Variants in LLGL1 observed in about 807,000 individuals in gnomAD.
LLGL1 encodes LLGL scribble cell polarity complex component 1.
Under a neutral mutation model 110.6 loss-of-function variants are expected in LLGL1, and 58 were observed. That is an observed-to-expected ratio of 0.52 (90% CI 0.42 to 0.65). The LOEUF is 0.65. LLGL1 is among the 30% of genes least tolerant of loss of function. The probability of loss-of-function intolerance (pLI) is 0.00; values close to 1 mark genes in which losing one functional copy is unlikely to be tolerated. For missense variants in LLGL1, 1,229 were observed against 1,462.1 expected (o/e 0.84, Z 2.60); for synonymous variants, 674 against 607.2 (o/e 1.11, Z -1.62).
At chr17:18,230,466 C>T (rs2047542404) in intron 2 of LLGL1, among the ~76,000 whole-genome samples, 1 of 152,014 alleles carries the variant, frequency 6.6e-6, no homozygotes, top group South Asian at 2.1e-4. Flanking sequence ...AGCAAAGGGG[C>T]CTGGGGGCAG....
chr17:18,226,462 A>G (rs929654576), intron 1 of LLGL1, among the ~76,000 whole-genome samples: 1 of 152,062 alleles, frequency 6.6e-6, no homozygotes, highest in African/African-American at 2.4e-5. Context: ...AATCCCTTCA[A>G]GGAGCCTCTC....
Position 18,232,680 on chromosome 17 carries a change from C to T in LLGL1, c.270C>T (p.Leu90=). Residue 90 remains leucine, a synonymous_variant, in exon 4 of 23, where the codon CTC becomes CTT. Transcript: ENST00000316843. The stretch of plus-strand genomic sequence containing the variant: ...CTCTGCTCACACACCAGGGCCGCCT[C>T]CTGTCCCTGCTTGATGACAGCAGTC... The part of the protein sequence containing the change: ...QMHFLTGQGR[L]LSLLDDSSLH... 1 of 1,614,212 alleles carries T rather than the reference C, an allele frequency of 6.2e-7. No individual in the cohort carries two copies. Among genetic ancestry groups the T allele is most frequent in the African/African-American group, 1.3e-5 (1 of 75,072 alleles).
chr17:18,232,949 G>A (rs1459815977), intron 4 of LLGL1, 147 bp downstream of exon 4: 2 of 1,036,948 alleles, frequency 1.9e-6, no homozygotes, highest in Non-Finnish European at 2.8e-6. Flanking sequence ...GGCTGCAGCT[G>A]TTGGACCCTG....
chr17:18,236,471 T>G, intron 11 of LLGL1, 136 bp from the exon 12 acceptor site: 1 of 867,966 alleles, frequency 1.2e-6, no homozygotes, highest in Non-Finnish European at 1.8e-6. Context: ...GCCTATTGTT[T>G]TTTGTAAAAG....
At position 18,234,030 on chromosome 17, in the gene LLGL1, G is replaced by A. The variant is rs757927589; in HGVS notation, c.569G>A (p.Arg190His). The A allele has an allele frequency of 1.0e-5, 16 of 1,594,022 alleles. No individual in the cohort carries two copies. Among genetic ancestry groups the A allele is most frequent in the Admixed American group, 5.1e-5 (3 of 59,126 alleles). Residue 190 changes from arginine (R) to histidine (H), a missense_variant, in exon 6 of 23, where the codon CGC becomes CAC. Coordinates refer to ENST00000316843, the MANE Select transcript of LLGL1 (RefSeq NM_004140.4). ...CTCCACAGCGTGCCAGACGACTACC[G>A]CTGTGGGAAGGCACTGGGCCCCGTG... Reference protein sequence around the residue: ...EVLRSVPDDYRCGKALGPVES... With the variant: ...EVLRSVPDDYHCGKALGPVES...
chr17:18,242,484 G>A lies in LLGL1; in HGVS notation c.2996-24G>A. ...CAGAGGGTGCTAAGGGTCCTGGTAG[G>A]GGCTGATGACTTGCTCCCTGTAGAC... On this transcript the variant is annotated intron_variant, in intron 20 of 22. Coordinates refer to ENST00000316843, the MANE Select transcript of LLGL1 (RefSeq NM_004140.4). 7 of 1,613,530 alleles carry A rather than the reference G, an allele frequency of 4.3e-6. 1 individual carries two copies. Among genetic ancestry groups the A allele is most frequent in the Non-Finnish European group, 5.9e-6 (7 of 1,179,782 alleles).
Position 18,235,295 on chromosome 17 carries a change from C to G in LLGL1, c.1267C>G (p.Pro423Ala). The change falls in exon 10 of 23, where the codon CCT (proline) becomes GCT (alanine). Residue 423 changes from proline (P) to alanine (A), a missense_variant. Physicochemically the swap from Pro to Ala is conservative, Grantham distance 27 (BLOSUM62 -1). Transcript: ENST00000316843. ...CGCTGGCGAGCAGCAGAGCCCCCAGCCTGTCTCCAGTGCCTTGGTGTGTGC... is the reference window on the plus strand; with the variant it reads ...CGCTGGCGAGCAGCAGAGCCCCCAGGCTGTCTCCAGTGCCTTGGTGTGTGC... ...VSAGEQQSPQPVSSALSWPIT... is the reference protein window; with the variant it reads ...VSAGEQQSPQAVSSALSWPIT... The G allele has an allele frequency of 6.2e-7, 1 of 1,610,452 alleles. No homozygotes were observed. Among genetic ancestry groups the G allele is most frequent in the Non-Finnish European group, 8.5e-7 (1 of 1,179,922 alleles).
At position 18,234,296 on chromosome 17, in the gene LLGL1, G is replaced by C. The variant is rs746288923; in HGVS notation, c.738G>C (p.Gly246=). The C allele has an allele frequency of 1.2e-4, 190 of 1,606,644 alleles. 1 individual carries two copies. The Admixed American group carries it at 3.2e-3, about 27-fold the overall frequency. ...AGCAGCTGGAGAGCCTATGCTGGGG[G>C]CGTGATAGCAGCACTGTGGTCAGCT... ...GNQQLESLCW[G]RDSSTVVSSH... Residue 246 remains glycine, a synonymous_variant, in exon 7 of 23, where the codon GGG becomes GGC. Transcript: ENST00000316843.
In LLGL1 at chr17:18,241,779, G is replaced by A. The variant is rs1030972434; in HGVS notation, c.2767+64G>A. ...GAGCGAACTGAGTGGGACCAGTACT[G>A]CTTGGGAGCAGGAAGGGCACTCCAG... On this transcript the variant is annotated intron_variant, in intron 18 of 22. Transcript: ENST00000316843. 5.0e-6 allele frequency: 8 copies of A among 1,607,920 alleles called. No homozygotes were observed. In the East Asian group the frequency reaches 1.8e-4, roughly 36 times the overall value.
At chr17:18,242,843 TGGTCCTCACCACTGGTGA>T in intron 22 of LLGL1, 21 bp downstream of exon 22, 1 of 1,538,562 alleles carries the variant, frequency 6.5e-7, no homozygotes, top group Non-Finnish European at 8.8e-7. Context: ...GGTGGGGCCC[TGGTCCTCACCACTGGTGA>T]CGTCCACCCC....
rs982495154 is a variant in LLGL1, at chr17:18,244,454, A to G, written c.*548A>G. 6.6e-6 allele frequency: 1 copy of G among 151,938 alleles called. No homozygotes were observed. Among genetic ancestry groups the G allele is most frequent in the Non-Finnish European group, 1.5e-5 (1 of 68,014 alleles). The allele number at this position is 151,938 out of a possible 1,614,324, so 9.4% of individuals were successfully genotyped here. On this transcript the variant is annotated 3_prime_UTR_variant, in exon 23 of 23. Coordinates refer to ENST00000316843, the MANE Select transcript of LLGL1 (RefSeq NM_004140.4). ...GAGATGGGGTTTCACCATGTTAGCC[A>G]GGATGGTCTCGATCTCCTGACCTCG...
rs1371061972 is a variant in LLGL1 at position 18,233,952 on chromosome 17, G to A, written c.551+16G>A. On this transcript the variant is annotated intron_variant, in intron 5 of 22. Coordinates refer to ENST00000316843, the MANE Select transcript of LLGL1 (RefSeq NM_004140.4). ...TTCTGCGCAGGTAAGAGGCCGGTGG[G>A]CTTCCCAGCACCCACTGTGTGCCCG... 6.2e-7 allele frequency: 1 copy of A among 1,607,300 alleles called. No homozygotes were observed. The highest frequency in any genetic ancestry group is 8.5e-7 in the Non-Finnish European group (1 of 1,177,120).
intron 1 of LLGL1, among the ~76,000 whole-genome samples, chr17:18,226,466 G>T (rs1183113260): frequency 6.6e-6 from 1 of 152,180 alleles, no homozygotes; most frequent in Non-Finnish European, 1.5e-5. Flanking sequence ...CCTTCAAGGA[G>T]CCTCTCCTTC....
intron 11 of LLGL1, 33 bp downstream of exon 11, chr17:18,235,570 C>CCCTGG (rs781740238): frequency 1.2e-6 from 2 of 1,602,056 alleles, no homozygotes; most frequent in South Asian, 1.1e-5. Context: ...GTGAGTGGGC[C>CCCTGG]CCTTGCTGTT....
intron 1 of LLGL1, among the ~76,000 whole-genome samples, chr17:18,227,395 CT>C (rs34800060): frequency 9.5e-5 from 14 of 147,342 alleles, no homozygotes; most frequent in East Asian, 2.0e-4. Context: ...CTAAATGTCA[CT>C]TTTTTTTTTT....
intron 17 of LLGL1, 116 bp from the exon 18 acceptor site, chr17:18,241,335 C>G: frequency 7.3e-7 from 1 of 1,364,384 alleles, no homozygotes; most frequent in Non-Finnish European, 9.9e-7. Context: ...CGGGAGGCCA[C>G]GTAGCATGCA....
intron 2 of LLGL1, among the ~76,000 whole-genome samples, chr17:18,231,913 C>G (rs1320545894): frequency 6.6e-6 from 1 of 152,226 alleles, no homozygotes; most frequent in Admixed American, 6.5e-5. Flanking sequence ...CTGCCTCGGC[C>G]TCCCAAAGTG....
At chr17:18,243,769 T>A (rs2047912895) in intron 22 of LLGL1, 139 bp from the exon 23 acceptor site, 1 of 152,286 alleles carries the variant, frequency 6.6e-6, no homozygotes, top group African/African-American at 2.4e-5. Flanking sequence ...CAAGCCCATC[T>A]CAGGTGGTCA....
chr17:18,238,385 G>A (rs760490953), intron 15 of LLGL1, 71 bp from the exon 16 acceptor site: 30 of 1,571,146 alleles, frequency 1.9e-5, no homozygotes, highest in South Asian at 2.3e-5. Context: ...GTAACAGAAC[G>A]TAGGGCGCAA....
Sources: gnomAD v4.1 joint callset for allele counts (sites outside exome capture counted in the v4.1 genomes callset) on GRCh38, gnomAD v4.1.1 for gene constraint, MANE v1.5 for transcripts, NCBI Gene and HGNC (gene_info 2026-07-23, HGNC 2026-07-21) for gene names.